The following RAI2 variants were observed in gnomAD, a reference collection of about 807,000 sequenced individuals.
RAI2 encodes retinoic acid-induced protein 2.
RAI2 carries 5 observed loss-of-function variants against 15.3 expected under a neutral mutation model. The observed-to-expected ratio is 0.33, with a 90% confidence interval of 0.17 to 0.69. The LOEUF (loss-of-function observed/expected upper bound fraction) is 0.69, where lower values mean the gene tolerates loss of function less well. Among genes scored for constraint, RAI2 ranks in the 30% least tolerant of loss-of-function variants. The pLI, the probability that RAI2 is intolerant of heterozygous loss-of-function variation, is 0.69. For synonymous variants in RAI2, 191 were observed against 184.0 expected, an observed-to-expected ratio of 1.04 and a Z score of -0.31; for missense variants, 424 against 424.7, an observed-to-expected ratio of 1.00 and a Z score of 0.01.
At chrX:17,831,800 C>T (rs143814283) in intron 1 of RAI2, among the ~76,000 whole-genome samples, 102 of 112,306 alleles carry the variant, frequency 9.1e-4, no homozygotes, top group East Asian at 4.8e-3. Flanking sequence ...CCTTATCATC[C>T]TCCACCCTCT....
intron 1 of RAI2, among the ~76,000 whole-genome samples, chrX:17,850,270 T>G (rs2067513284): frequency 1.8e-5 from 2 of 111,838 alleles, no homozygotes; most frequent in South Asian, 3.8e-4. Flanking sequence ...GGGGGAGCAA[T>G]GCAACAAATC....
intron 1 of RAI2, among the ~76,000 whole-genome samples, chrX:17,811,977 C>CTAAG (rs1333787327): frequency 8.9e-6 from 1 of 111,794 alleles, no homozygotes; most frequent in East Asian, 2.8e-4. Flanking sequence ...AGGAGATAAG[C>CTAAG]TAAGTGAAGT....
At chrX:17,809,774 T>G (rs758766322) in intron 1 of RAI2, among the ~76,000 whole-genome samples, 37 of 110,519 alleles carry the variant, frequency 3.3e-4, no homozygotes, top group South Asian at 1.2e-3. Flanking sequence ...TTCTGGGTTT[T>G]TTTGTGTTTT....
chrX:17,849,236 C>T (rs1290115284), intron 1 of RAI2, among the ~76,000 whole-genome samples: 2 of 112,472 alleles, frequency 1.8e-5, no homozygotes, highest in East Asian at 2.8e-4. Flanking sequence ...CGGAATGGTG[C>T]GGTGAAACAA....
chrX:17,844,589 C>G (rs899819956), intron 1 of RAI2, among the ~76,000 whole-genome samples: 4 of 112,920 alleles, frequency 3.5e-5, no homozygotes, highest in African/African-American at 1.3e-4. Context: ...TAACTCACAG[C>G]AGCCAGAGAA....
intron 1 of RAI2, among the ~76,000 whole-genome samples, chrX:17,839,878 T>C (rs1238809682): frequency 8.9e-6 from 1 of 112,483 alleles, no homozygotes; most frequent in Non-Finnish European, 1.9e-5. Context: ...CCAAGGAAAC[T>C]ATTTAAGGGA....
intron 1 of RAI2, among the ~76,000 whole-genome samples, chrX:17,813,942 G>A (rs999942775): frequency 8.9e-6 from 1 of 111,981 alleles, no homozygotes; most frequent in African/African-American, 3.3e-5. Context: ...ACTAACGATG[G>A]TGATGAACAG....
intron 1 of RAI2, among the ~76,000 whole-genome samples, chrX:17,840,087 A>G (rs2067380902): frequency 8.9e-6 from 1 of 112,459 alleles, no homozygotes; most frequent in Non-Finnish European, 1.9e-5. Flanking sequence ...TCAGATATCT[A>G]TAATGTTTTT....
intron 1 of RAI2, among the ~76,000 whole-genome samples, chrX:17,851,574 G>A (rs1015262822): frequency 3.6e-5 from 4 of 111,601 alleles, no homozygotes; most frequent in African/African-American, 1.3e-4. Context: ...AAATTCATCG[G>A]CACAGGCTCA....
chrX:17,818,045 T>C (rs1416857922), intron 1 of RAI2, among the ~76,000 whole-genome samples: 1 of 112,036 alleles, frequency 8.9e-6, no homozygotes, highest in Non-Finnish European at 1.9e-5. Flanking sequence ...ACTGACACCA[T>C]GGGGGCTCTT....
chrX:17,812,665 G>T (rs1016677292), intron 1 of RAI2, among the ~76,000 whole-genome samples: 1 of 111,714 alleles, frequency 9.0e-6, no homozygotes, highest in African/African-American at 3.3e-5. Flanking sequence ...TTGCACGAGA[G>T]CTTAAGTAGC....
intron 1 of RAI2, among the ~76,000 whole-genome samples, chrX:17,815,763 A>C (rs1363981642): frequency 1.8e-5 from 2 of 111,038 alleles, no homozygotes; most frequent in African/African-American, 6.6e-5. Flanking sequence ...CATTCCTTTC[A>C]ATGGTAAAAA....
chrX:17,821,160 A>G (rs1002252430), intron 1 of RAI2, among the ~76,000 whole-genome samples: 1 of 112,265 alleles, frequency 8.9e-6, no homozygotes, highest in South Asian at 3.7e-4. Flanking sequence ...TGTTCTATAC[A>G]TGGTCCACTT....
intron 1 of RAI2, among the ~76,000 whole-genome samples, chrX:17,818,908 G>A (rs769192504): frequency 4.4e-5 from 5 of 112,994 alleles, no homozygotes; most frequent in Non-Finnish European, 9.4e-5. Context: ...TGTGCCTGCC[G>A]GCTGCTTACA....
intron 1 of RAI2, among the ~76,000 whole-genome samples, chrX:17,810,927 G>A (rs1165718088): frequency 8.9e-6 from 1 of 112,550 alleles, no homozygotes; most frequent in African/African-American, 3.2e-5. Flanking sequence ...TTTGTAGGCA[G>A]GTTGCCATCT....
intron 1 of RAI2, among the ~76,000 whole-genome samples, chrX:17,849,974 C>T (rs2147278162): frequency 8.9e-6 from 1 of 111,909 alleles, no homozygotes; most frequent in South Asian, 3.8e-4. Flanking sequence ...GTCCAAGATA[C>T]CCCATAACCT....
chrX:17,812,646 C>A (rs1238508588), intron 1 of RAI2, among the ~76,000 whole-genome samples: 4 of 111,772 alleles, frequency 3.6e-5, no homozygotes, highest in Non-Finnish European at 7.5e-5. Context: ...CTTCAGTTTT[C>A]CTTCTCCTTT....
At chrX:17,852,008 G>A (rs1037094848) in intron 1 of RAI2, among the ~76,000 whole-genome samples, 2 of 111,671 alleles carry the variant, frequency 1.8e-5, no homozygotes, top group Admixed American at 9.5e-5. Context: ...CACACACAGC[G>A]GTGGCCCCAG....
chrX:17,837,941 G>A (rs1481745345), intron 1 of RAI2, among the ~76,000 whole-genome samples: 1 of 112,135 alleles, frequency 8.9e-6, no homozygotes, highest in Non-Finnish European at 1.9e-5. Flanking sequence ...CCGTCAGCAG[G>A]AGAATGGATA....
Sources: allele counts gnomAD v4.1 joint callset (sites outside exome capture counted in the v4.1 genomes callset), GRCh38; gene constraint gnomAD v4.1.1; transcripts MANE v1.5; gene names NCBI Gene and HGNC (gene_info 2026-07-23, HGNC 2026-07-21).